Variants in PDSS2 observed in about 807,000 individuals in gnomAD.
PDSS2 encodes decaprenyl diphosphate synthase subunit 2, also known as all trans-polyprenyl-diphosphate synthase PDSS2.
PDSS2 carries 31 observed loss-of-function variants against 44.5 expected under a neutral mutation model. The ratio of observed to expected loss-of-function variants is 0.70; its 90% CI spans 0.52 to 0.94. The LOEUF (loss-of-function observed/expected upper bound fraction) is 0.94. PDSS2 is among the 40% of genes least tolerant of loss of function. The pLI is 0.00. For missense variants in PDSS2, 452 were observed against 482.2 expected, an observed-to-expected ratio of 0.94 and a Z score of 0.59; for synonymous variants, 157 against 180.3, an observed-to-expected ratio of 0.87 and a Z score of 1.03.
At chr6:107,266,697 A>G (rs1452196296) in intron 3 of PDSS2, among the ~76,000 whole-genome samples, 4 of 152,218 alleles carry the variant, frequency 2.6e-5, no homozygotes, top group Non-Finnish European at 5.9e-5. Flanking sequence ...CAGGCTGAAT[A>G]GTTGCTTGGA....
intron 1 of PDSS2, among the ~76,000 whole-genome samples, chr6:107,355,905 A>G (rs1257387044): frequency 6.6e-6 from 1 of 152,238 alleles, no homozygotes; most frequent in Non-Finnish European, 1.5e-5. Flanking sequence ...GTTTAAAGAA[A>G]ACACCAGAGA....
intron 7 of PDSS2, among the ~76,000 whole-genome samples, chr6:107,170,165 C>A (rs1771512617): frequency 6.6e-6 from 1 of 152,164 alleles, no homozygotes; most frequent in Non-Finnish European, 1.5e-5. Context: ...CCTACTCAAG[C>A]CTCAGCAATG....
intron 1 of PDSS2, among the ~76,000 whole-genome samples, chr6:107,409,135 A>T (rs1322598268): frequency 6.6e-6 from 1 of 152,228 alleles, no homozygotes; most frequent in Non-Finnish European, 1.5e-5. Flanking sequence ...TGGTAACTGC[A>T]GAACACTGGA....
chr6:107,254,550 TC>T (rs1370202623), intron 3 of PDSS2, among the ~76,000 whole-genome samples: 1 of 152,122 alleles, frequency 6.6e-6, no homozygotes, highest in Non-Finnish European at 1.5e-5. Context: ...TTTTCCACCT[TC>T]CCCCAGTATG....
chr6:107,458,412 C>CATAAAAAAAAAAAAAAA (rs1782120537), intron 1 of PDSS2, among the ~76,000 whole-genome samples: 1 of 78,182 alleles, frequency 1.3e-5, no homozygotes, highest in Non-Finnish European at 2.5e-5. Flanking sequence ...GACTCCGTCT[C>CATAAAAAAAAAAAAAAA]AAAAAAAAAA....
At chr6:107,172,064 A>G (rs1463664810) in intron 7 of PDSS2, among the ~76,000 whole-genome samples, 3 of 152,234 alleles carry the variant, frequency 2.0e-5, no homozygotes, top group Non-Finnish European at 4.4e-5. Context: ...TAATTGTATA[A>G]GTGCAGTATC....
At chr6:107,335,504 G>A (rs936139059) in intron 1 of PDSS2, among the ~76,000 whole-genome samples, 1 of 152,186 alleles carries the variant, frequency 6.6e-6, no homozygotes, top group Non-Finnish European at 1.5e-5. Flanking sequence ...GAAAGTGAAT[G>A]CCATCAGCAA....
At chr6:107,281,648 T>C (rs1463925730) in intron 2 of PDSS2, among the ~76,000 whole-genome samples, 1 of 152,230 alleles carries the variant, frequency 6.6e-6, no homozygotes, top group Non-Finnish European at 1.5e-5. Flanking sequence ...CAATATTATT[T>C]TTTGTCTAAA....
intron 2 of PDSS2, among the ~76,000 whole-genome samples, chr6:107,304,988 C>T (rs994979436): frequency 1.3e-5 from 2 of 151,970 alleles, no homozygotes; most frequent in African/African-American, 4.8e-5. Flanking sequence ...TCCCCCAGCC[C>T]TGACCAGTCA....
At chr6:107,401,797 A>G (rs1273184238) in intron 1 of PDSS2, among the ~76,000 whole-genome samples, 1 of 152,332 alleles carries the variant, frequency 6.6e-6, no homozygotes, top group East Asian at 1.9e-4. Context: ...AAAGAATTTC[A>G]AAACTTGCAG....
At chr6:107,165,485 T>A (rs1582722022) in intron 7 of PDSS2, among the ~76,000 whole-genome samples, 1 of 152,154 alleles carries the variant, frequency 6.6e-6, no homozygotes, top group East Asian at 1.9e-4. Flanking sequence ...AGATGTGTGG[T>A]ATTATTTCTG....
chr6:107,221,342 GAAAAAAAAA>G (rs59605783), intron 4 of PDSS2, among the ~76,000 whole-genome samples: 2 of 70,254 alleles, frequency 2.8e-5, no homozygotes, highest in South Asian at 6.5e-4. Flanking sequence ...ACTCCGTCTC[GAAAAAAAAA>G]AAAAAAAAAA....
chr6:107,407,540 A>G (rs1477297243), intron 1 of PDSS2, among the ~76,000 whole-genome samples: 7 of 152,200 alleles, frequency 4.6e-5, no homozygotes, highest in Non-Finnish European at 1.0e-4. Flanking sequence ...ACTTGTTAGC[A>G]ATGGGTTATT....
chr6:107,213,239 G>A (rs1773289396), intron 4 of PDSS2, among the ~76,000 whole-genome samples: 1 of 151,818 alleles, frequency 6.6e-6, no homozygotes, highest in Non-Finnish European at 1.5e-5. Context: ...TTGAACTCCT[G>A]AGCTCAAGTG....
At chr6:107,423,867 T>C (rs537872831) in intron 1 of PDSS2, among the ~76,000 whole-genome samples, 8 of 152,046 alleles carry the variant, frequency 5.3e-5, no homozygotes, top group Non-Finnish European at 1.2e-4. Context: ...TTCTTCCTAT[T>C]TTCCATCTAT....
chr6:107,228,508 A>G (rs1029821835), intron 4 of PDSS2, among the ~76,000 whole-genome samples: 9 of 152,226 alleles, frequency 5.9e-5, no homozygotes, highest in African/African-American at 2.2e-4. Context: ...AGCCTGGCCA[A>G]CGTGGTGAAA....
At chr6:107,230,667 G>GA (rs1239397633) in intron 4 of PDSS2, among the ~76,000 whole-genome samples, 48 of 151,866 alleles carry the variant, frequency 3.2e-4, no homozygotes, top group South Asian at 6.2e-4. Flanking sequence ...CAGCAGACTA[G>GA]CCAGGGCATG....
intron 4 of PDSS2, among the ~76,000 whole-genome samples, chr6:107,220,510 A>C (rs998666737): frequency 6.6e-6 from 1 of 152,050 alleles, no homozygotes; most frequent in African/African-American, 2.4e-5. Flanking sequence ...CAATATATAG[A>C]TATAACTATA....
chr6:107,296,241 G>A (rs556196511), intron 2 of PDSS2, among the ~76,000 whole-genome samples: 8 of 152,134 alleles, frequency 5.3e-5, no homozygotes, highest in Non-Finnish European at 1.0e-4. Flanking sequence ...GGTGAGAATA[G>A]TCCTGAGCCT....
Sources: allele counts gnomAD v4.1 joint callset (sites outside exome capture counted in the v4.1 genomes callset), GRCh38; gene constraint gnomAD v4.1.1; transcripts MANE v1.5; gene names NCBI Gene and HGNC (gene_info 2026-07-23, HGNC 2026-07-21).